GLRA2: variants seen among roughly 807,000 people sequenced by gnomAD.
GLRA2 encodes the protein glycine receptor alpha 2.
A neutral mutation model predicts 31.6 loss-of-function variants in GLRA2; 11 were observed. That is an observed-to-expected ratio of 0.35 (90% CI 0.22 to 0.58). GLRA2 has a LOEUF of 0.58. Ranked by LOEUF, GLRA2 falls within the 20% of genes least tolerant of loss-of-function variation. The probability of loss-of-function intolerance (pLI) is 0.84; values close to 1 mark genes in which losing one functional copy is unlikely to be tolerated. For missense variants in GLRA2, 212 were observed against 351.8 expected, an observed-to-expected ratio of 0.60 and a Z score of 3.18; for synonymous variants, 132 against 134.0, an observed-to-expected ratio of 0.99 and a Z score of 0.10.
At chrX:14,494,627 T>C in the GLRA2 span, among the ~76,000 whole-genome samples, 1 of 111,541 alleles carries the variant, frequency 9.0e-6, no homozygotes, top group East Asian at 2.8e-4. Context: ...ACTGAGGTGT[T>C]TCCTACGACT....
chrX:14,550,641 A>G (rs781586534), intron 2 of GLRA2, among the ~76,000 whole-genome samples: 2 of 111,526 alleles, frequency 1.8e-5, no homozygotes, highest in South Asian at 7.7e-4. Flanking sequence ...GATACCTGCC[A>G]TCTTTGCCGC....
the GLRA2 span, among the ~76,000 whole-genome samples, chrX:14,466,814 G>A: frequency 3.6e-5 from 4 of 112,146 alleles, no homozygotes; most frequent in Non-Finnish European, 7.5e-5. Context: ...CTTCCCATTA[G>A]TCCCAGTAAG....
chrX:14,457,857 A>G, the GLRA2 span, among the ~76,000 whole-genome samples: 270 of 109,592 alleles, frequency 2.5e-3, no homozygotes, highest in Non-Finnish European at 4.4e-3. Flanking sequence ...CCTCTCCAGC[A>G]TCTGTCGTTT....
chrX:14,449,721 C>G, the GLRA2 span, among the ~76,000 whole-genome samples: 1 of 112,347 alleles, frequency 8.9e-6, no homozygotes, highest in East Asian at 2.8e-4. Context: ...CCCCAGCCCC[C>G]ATCCTGTCAG....
intron 3 of GLRA2, among the ~76,000 whole-genome samples, chrX:14,575,019 C>G (rs1323681353): frequency 2.7e-5 from 3 of 109,423 alleles, no homozygotes; most frequent in Non-Finnish European, 5.7e-5. Context: ...AATACACACA[C>G]ACACACAATT....
At chrX:14,512,287 A>G in the GLRA2 span, among the ~76,000 whole-genome samples, 1 of 111,727 alleles carries the variant, frequency 9.0e-6, no homozygotes, top group Admixed American at 9.5e-5. Flanking sequence ...AATAAAAGCC[A>G]TCTATGACAA....
chrX:14,505,071 G>A, the GLRA2 span, among the ~76,000 whole-genome samples: 1 of 111,970 alleles, frequency 8.9e-6, no homozygotes, highest in African/African-American at 3.2e-5. Flanking sequence ...ATCCCAGGGA[G>A]AAAAAATAAA....
chrX:14,593,304 A>G (rs1413317707), intron 4 of GLRA2, among the ~76,000 whole-genome samples: 1 of 112,376 alleles, frequency 8.9e-6, no homozygotes, highest in African/African-American at 3.2e-5. Flanking sequence ...TCTGTATCAA[A>G]GAGGATACGA....
At chrX:14,619,131 T>C (rs762540529) in intron 7 of GLRA2, among the ~76,000 whole-genome samples, 5 of 111,299 alleles carry the variant, frequency 4.5e-5, no homozygotes, top group Non-Finnish European at 9.4e-5. Flanking sequence ...ACTGGAACTC[T>C]TGGGGTCTTG....
chrX:14,593,624 C>G (rs1000195124), intron 4 of GLRA2, among the ~76,000 whole-genome samples: 2 of 112,493 alleles, frequency 1.8e-5, no homozygotes, highest in African/African-American at 6.5e-5. Flanking sequence ...TCCAATTTTA[C>G]TAAATGACCA....
At chrX:14,701,235 C>A (rs1023873183) in intron 8 of GLRA2, among the ~76,000 whole-genome samples, 2 of 110,878 alleles carry the variant, frequency 1.8e-5, no homozygotes, top group Non-Finnish European at 3.8e-5. Flanking sequence ...TAGGGTCCAT[C>A]GGACGTAGGG....
chrX:14,456,259 A>G, the GLRA2 span, among the ~76,000 whole-genome samples: 1 of 111,281 alleles, frequency 9.0e-6, no homozygotes, highest in Admixed American at 9.6e-5. Context: ...ATACATATTC[A>G]TGGGGTACAT....
At chrX:14,560,684 G>A (rs2147040759) in intron 2 of GLRA2, among the ~76,000 whole-genome samples, 1 of 107,295 alleles carries the variant, frequency 9.3e-6, no homozygotes, top group South Asian at 4.2e-4. Flanking sequence ...GGGCGTGGTG[G>A]TGCATACCTG....
chrX:14,579,108 T>C (rs1025048756), intron 3 of GLRA2, among the ~76,000 whole-genome samples: 1 of 112,024 alleles, frequency 8.9e-6, no homozygotes, highest in Non-Finnish European at 1.9e-5. Flanking sequence ...TTGTTTTATC[T>C]CCAATCTGAA....
intron 2 of GLRA2, among the ~76,000 whole-genome samples, chrX:14,548,519 A>T (rs747778005): frequency 8.9e-6 from 1 of 111,809 alleles, no homozygotes. Flanking sequence ...GTAGAGGGTG[A>T]TTCAAAGGAG....
intron 8 of GLRA2, among the ~76,000 whole-genome samples, chrX:14,710,894 TC>T (rs1304155081): frequency 2.7e-5 from 3 of 112,279 alleles, no homozygotes; most frequent in African/African-American, 9.7e-5. Flanking sequence ...ATTCAACATT[TC>T]CAACAAATGG....
At chrX:14,484,661 G>T in the GLRA2 span, among the ~76,000 whole-genome samples, 1 of 111,617 alleles carries the variant, frequency 9.0e-6, no homozygotes, top group Non-Finnish European at 1.9e-5. Context: ...AGATTAATTT[G>T]GTGTTGATAA....
chrX:14,576,687 T>C (rs1287571890), intron 3 of GLRA2, among the ~76,000 whole-genome samples: 1 of 112,419 alleles, frequency 8.9e-6, no homozygotes, highest in Non-Finnish European at 1.9e-5. Context: ...GCTATGGATA[T>C]CCTTGTTTTC....
At chrX:14,590,665 A>C (rs1051425352) in intron 4 of GLRA2, among the ~76,000 whole-genome samples, 5 of 112,121 alleles carry the variant, frequency 4.5e-5, no homozygotes, top group Non-Finnish European at 9.4e-5. Context: ...GCAGCTATGA[A>C]AAACTATGAT....
Sources: gnomAD v4.1 joint callset for allele counts (sites outside exome capture counted in the v4.1 genomes callset) on GRCh38, gnomAD v4.1.1 for gene constraint, MANE v1.5 for transcripts, NCBI Gene and HGNC (gene_info 2026-07-23, HGNC 2026-07-21) for gene names.